TMEM94: variants seen among roughly 807,000 people sequenced by gnomAD.
TMEM94 encodes ER Mg2+ ATPase.
A neutral mutation model predicts 158.6 loss-of-function variants in TMEM94; 81 were observed. That is an observed-to-expected ratio of 0.51 (90% CI 0.43 to 0.61). The LOEUF is 0.61. Among genes scored for constraint, TMEM94 ranks in the 20% least tolerant of loss-of-function variants. The pLI, the probability that TMEM94 is intolerant of heterozygous loss-of-function variation, is 0.00. For missense variants in TMEM94, 1,435 were observed against 1,762.0 expected (o/e 0.81, Z 3.32); for synonymous variants, 751 against 730.7 (o/e 1.03, Z -0.45).
chr17:75,496,577 C>T, intron 24 of TMEM94, 106 bp downstream of exon 24: 3 of 1,423,848 alleles, frequency 2.1e-6, no homozygotes, highest in Non-Finnish European at 2.9e-6. Flanking sequence ...ATTCCCCAGC[C>T]CTCCGAGCGG....
At chr17:75,462,264 A>C (rs973835933) in intron 1 of TMEM94, among the ~76,000 whole-genome samples, 1 of 151,714 alleles carries the variant, frequency 6.6e-6, no homozygotes, top group South Asian at 2.1e-4. Flanking sequence ...GCCGGTCTCG[A>C]TCTCTTTACC....
At chr17:75,486,825 G>A (rs2051660578) in intron 5 of TMEM94, among the ~76,000 whole-genome samples, 1 of 152,200 alleles carries the variant, frequency 6.6e-6, no homozygotes, top group South Asian at 2.1e-4. Context: ...TTGGGGTGGG[G>A]TAGGGGCCGG....
At chr17:75,478,075 G>A (rs1265240162) in intron 2 of TMEM94, among the ~76,000 whole-genome samples, 14 of 121,558 alleles carry the variant, frequency 1.2e-4, no homozygotes, top group African/African-American at 4.5e-4. Flanking sequence ...GAGTGCAGTG[G>A]CGGGATCTCG....
intron 16 of TMEM94, 126 bp from the exon 17 acceptor site, chr17:75,493,365 C>G: frequency 1.0e-6 from 1 of 978,862 alleles, no homozygotes; most frequent in South Asian, 1.5e-5. Flanking sequence ...GTCCGTGAGT[C>G]CCAGGGAGTC....
intron 2 of TMEM94, chr17:75,476,751 T>G: frequency 1.3e-6 from 2 of 1,535,754 alleles, no homozygotes; most frequent in African/African-American, 1.4e-5. Context: ...AAAGTGAGTA[T>G]GCTGGCAGGG....
Position 75,489,423 on chromosome 17 carries a change from C to A in TMEM94, c.867+55C>A. The A allele has an allele frequency of 6.4e-7, 1 of 1,563,652 alleles. No individual in the cohort carries two copies. The highest frequency in any genetic ancestry group is 1.1e-5 in the South Asian group (1 of 89,992). On this transcript the variant is annotated intron_variant, in intron 8 of 31. Transcript: ENST00000314256. This position sits in a 1 kb window ranked among gnomAD's most constrained non-coding sequence, Gnocchi z 5.0. ...ATGGGGCAGAGGAGAGGGCTGGACA[C>A]GGGGGGGTCTCAGGGCCACTCACAT...
intron 1 of TMEM94, among the ~76,000 whole-genome samples, chr17:75,463,094 A>AC (rs2050154721): frequency 8.3e-5 from 1 of 12,094 alleles, no homozygotes; most frequent in African/African-American, 1.6e-3. Flanking sequence ...ACACACACAC[A>AC]TATATATGTG....
chr17:75,490,898 C>T (rs1012500394), intron 11 of TMEM94, 140 bp downstream of exon 11: 2 of 957,678 alleles, frequency 2.1e-6, no homozygotes, highest in Admixed American at 2.1e-5. Context: ...ATAACCTGGA[C>T]CTGTTCCCAT....
chr17:75,484,891 AGCCCGACAT>A (rs2051459888), intron 2 of TMEM94, among the ~76,000 whole-genome samples: 3 of 152,020 alleles, frequency 2.0e-5, no homozygotes, highest in Non-Finnish European at 4.4e-5. Flanking sequence ...ACAAAAAATT[AGCCCGACAT>A]GGTGGTGTGT....
chr17:75,498,870 G>A lies in TMEM94; in HGVS notation c.3828-42G>A. The A allele has an allele frequency of 6.5e-7, 1 of 1,526,910 alleles. No individual in the cohort carries two copies. The highest frequency in any genetic ancestry group is 2.0e-5 in the Admixed American group (1 of 49,886). The allele number at this position is 1,526,910 out of a possible 1,614,324, so 94.6% of individuals were successfully genotyped here. ...TGTACTGGGAAGAGCAGGGAAGGAA[G>A]CAAGCAGTGTCGGGTTCACACGGGG... On this transcript the variant is annotated intron_variant, in intron 30 of 31. Coordinates refer to ENST00000314256, the MANE Select transcript of TMEM94 (RefSeq NM_014738.6). The surrounding 1 kb of genome is among the most constrained non-coding windows in gnomAD (Gnocchi z 6.7).
intron 2 of TMEM94, among the ~76,000 whole-genome samples, chr17:75,484,943 C>T (rs1031141815): frequency 2.6e-5 from 4 of 151,288 alleles, no homozygotes; most frequent in East Asian, 2.0e-4. Flanking sequence ...GAGGCTGAGG[C>T]GGGAGAATCA....
intron 1 of TMEM94, chr17:75,457,664 G>A (rs1253653154): frequency 6.6e-6 from 1 of 152,258 alleles, no homozygotes; most frequent in African/African-American, 2.4e-5. Context: ...ATTTATCCAA[G>A]ACGCTCAGCT....
chr17:75,461,093 C>CTTTTTT (rs59878082), intron 1 of TMEM94, among the ~76,000 whole-genome samples: 10 of 69,672 alleles, frequency 1.4e-4, no homozygotes, highest in African/African-American at 2.2e-4. Context: ...TTGCGATTGG[C>CTTTTTT]TTTTTTTTTT....
chr17:75,458,617 G>T (rs1460756740), intron 1 of TMEM94, among the ~76,000 whole-genome samples: 1 of 151,270 alleles, frequency 6.6e-6, no homozygotes, highest in Non-Finnish European at 1.5e-5. Context: ...CTTGAGCCCA[G>T]AAGGTCGACG....
At chr17:75,496,859 C>T in intron 25 of TMEM94, 52 bp downstream of exon 25, 5 of 1,553,088 alleles carry the variant, frequency 3.2e-6, no homozygotes, top group Non-Finnish European at 4.4e-6. Flanking sequence ...CCCCTTCACT[C>T]AGGGGCCAGC....
At position 75,485,347 on chromosome 17, in the gene TMEM94, G is replaced by A; in HGVS notation, c.25-81G>A. ...AGAGGAGGGGAAGGATGAAGGGCCAGGGAAGGGGAGGGTTGGGGCCCGCGT... is the reference window on the plus strand; with the variant it reads ...AGAGGAGGGGAAGGATGAAGGGCCAAGGAAGGGGAGGGTTGGGGCCCGCGT... On this transcript the variant is annotated intron_variant, in intron 2 of 31. Transcript: ENST00000314256. The surrounding 1 kb of genome is among the most constrained non-coding windows in gnomAD (Gnocchi z 5.5). The A allele has an allele frequency of 6.6e-7, 1 of 1,526,274 alleles. No homozygotes were observed. Among genetic ancestry groups the A allele is most frequent in the Non-Finnish European group, 8.9e-7 (1 of 1,123,646 alleles). The allele number at this position is 1,526,274 out of a possible 1,614,324, so 94.5% of individuals were successfully genotyped here. A position where few individuals can be genotyped will look rare whatever the true frequency, so the allele number is the denominator to read the frequency against.
chr17:75,499,390 A>G lies in TMEM94; in HGVS notation c.*56A>G. 1 of 1,501,132 alleles carries G rather than the reference A, an allele frequency of 6.7e-7. No individual in the cohort carries two copies. 93.0% of individuals were successfully genotyped at this position (1,501,132 alleles called of 1,614,324 possible). ...CGTCCCTGGGGCTAAAGCCAGACCCATTTCTGAACAGGGGAGTTTGTATCA... is the reference window on the plus strand; with the variant it reads ...CGTCCCTGGGGCTAAAGCCAGACCCGTTTCTGAACAGGGGAGTTTGTATCA... On this transcript the variant is annotated 3_prime_UTR_variant, in exon 32 of 32. Coordinates refer to ENST00000314256, the MANE Select transcript of TMEM94 (RefSeq NM_014738.6).
At chr17:75,476,395 T>C in intron 2 of TMEM94, 1 of 761,772 alleles carries the variant, frequency 1.3e-6, no homozygotes, top group African/African-American at 1.8e-5. Context: ...AATGCTCCTG[T>C]TTCCTCCCTC....
Position 75,492,879 on chromosome 17 carries a change from G to T in TMEM94, c.1913-50G>T, listed in dbSNP as rs1372237731. 2 of 1,589,508 alleles carry T rather than the reference G, an allele frequency of 1.3e-6. No individual in the cohort carries two copies. The highest frequency in any genetic ancestry group is 1.3e-5 in the African/African-American group (1 of 74,522). ...CTCCTCACGGGACTTAATGGACCTG[G>T]CAGGGTATTGCCAGGGCATGGCCCT... On this transcript the variant is annotated intron_variant, in intron 15 of 31. Coordinates refer to ENST00000314256, the MANE Select transcript of TMEM94 (RefSeq NM_014738.6). The surrounding 1 kb of genome is among the most constrained non-coding windows in gnomAD (Gnocchi z 4.4).
Sources: gnomAD v4.1 joint callset for allele counts (sites outside exome capture counted in the v4.1 genomes callset) on GRCh38, gnomAD v4.1.1 for gene constraint, Gnocchi (gnomAD v3.1) non-coding constraint, MANE v1.5 for transcripts, NCBI Gene and HGNC (gene_info 2026-07-23, HGNC 2026-07-21) for gene names.